The following ATP6V0A2 variants were observed in gnomAD, a reference collection of about 807,000 sequenced individuals.
ATP6V0A2 encodes V-type proton ATPase 116 kDa subunit a 2.
In ATP6V0A2, 58 loss-of-function variants were observed where a neutral mutation model predicts 104.4. That is an observed-to-expected ratio of 0.56 (90% confidence interval 0.45 to 0.69). The LOEUF is 0.69. Among genes scored for constraint, ATP6V0A2 ranks in the 30% least tolerant of loss-of-function variants. The probability of loss-of-function intolerance (pLI) is 0.00; values close to 1 mark genes in which losing one functional copy is unlikely to be tolerated. For missense variants in ATP6V0A2, 938 were observed against 1,062.9 expected, an observed-to-expected ratio of 0.88 and a Z score of 1.63; for synonymous variants, 376 against 397.9, an observed-to-expected ratio of 0.95 and a Z score of 0.65.
chr12:123,727,131 A>C (rs911039236), intron 5 of ATP6V0A2, among the ~76,000 whole-genome samples: 14 of 152,102 alleles, frequency 9.2e-5, no homozygotes, highest in African/African-American at 3.4e-4. Flanking sequence ...TCCCAGCTGG[A>C]GAGGTGAGTC....
chr12:123,758,003 A>G lies in ATP6V0A2; in HGVS notation c.2542A>G (p.Lys848Glu), dbSNP rs769901746. 8.1e-6 allele frequency: 13 copies of G among 1,612,988 alleles called. No homozygotes were observed. Among genetic ancestry groups the G allele is most frequent in the Admixed American group, 3.3e-5 (2 of 59,994 alleles). The change falls in exon 20 of 20, where the codon AAG becomes GAG. Residue 848 changes from lysine to glutamate, a missense_variant. By Grantham distance (56) the Lys-to-Glu change is moderately conservative. Coordinates refer to ENST00000330342, the MANE Select transcript of ATP6V0A2 (RefSeq NM_012463.4). The stretch of plus-strand genomic sequence containing the variant: ...TTTCTCATTCAGTCTACTTTCATCA[A>G]AGTTCAATAACGACGACAGTGTGGC... ...VPFSFSLLSS[K>E]FNNDDSVA
intron 15 of ATP6V0A2, 98 bp downstream of exon 15, chr12:123,748,883 T>C: frequency 4.2e-6 from 5 of 1,195,348 alleles, no homozygotes; most frequent in Non-Finnish European, 6.2e-6. Context: ...CACAGGAGCC[T>C]GGGAAGGCTG....
intron 1 of ATP6V0A2, among the ~76,000 whole-genome samples, chr12:123,716,908 A>G (rs1593882109): frequency 1.3e-5 from 2 of 148,618 alleles, no homozygotes; most frequent in Non-Finnish European, 3.0e-5. Flanking sequence ...TCCTACCCCC[A>G]CCCCCCCAGC....
chr12:123,718,748 A>G, intron 2 of ATP6V0A2, 47 bp downstream of exon 2: 4 of 1,351,016 alleles, frequency 3.0e-6, no homozygotes, highest in Non-Finnish European at 4.2e-6. Context: ...ACCTTTATAT[A>G]GGCAAACCTT....
rs2135881278 is a variant in ATP6V0A2 at position 123,719,748 on chromosome 12, C to A, written c.196+1047C>A. On this transcript the variant is annotated intron_variant, in intron 2 of 19. Coordinates refer to ENST00000330342, the MANE Select transcript of ATP6V0A2 (RefSeq NM_012463.4). Reference sequence around the variant, plus strand: ...CCTTATCTAGGTGCCCCAGTGAAGCCAGCAAACTTCACTTATCAGGCCTTC... The same window carrying A: ...CCTTATCTAGGTGCCCCAGTGAAGCAAGCAAACTTCACTTATCAGGCCTTC... 1.3e-5 allele frequency among the ~76,000 whole-genome samples: 2 copies of A among 152,162 alleles called. 1 individual carries two copies.
At chr12:123,747,506 A>T in intron 13 of ATP6V0A2, 101 bp from the exon 14 acceptor site, 1 of 821,766 alleles carries the variant, frequency 1.2e-6, no homozygotes, top group Non-Finnish European at 2.2e-6. Flanking sequence ...TTTCCTTCTT[A>T]AACTTAGAGC....
intron 19 of ATP6V0A2, 56 bp from the exon 20 acceptor site, chr12:123,757,871 T>C: frequency 9.1e-7 from 1 of 1,102,284 alleles, no homozygotes; most frequent in Admixed American, 2.2e-5. Context: ...TAAATGTTGT[T>C]TTAAGGAATG....
chr12:123,741,503 G>A (rs902414942), intron 9 of ATP6V0A2, among the ~76,000 whole-genome samples: 2 of 152,112 alleles, frequency 1.3e-5, no homozygotes, highest in South Asian at 2.1e-4. Context: ...GGTAATGGTC[G>A]TAGCTCACTG....
At chr12:123,733,293 C>A (rs7398384) in intron 6 of ATP6V0A2, 85,384 of 147,712 alleles carry the variant, frequency 0.58, 25,451 homozygotes, top group East Asian at 0.94. Context: ...GGCCTGGGCA[C>A]CAAGAGAGAG....
At position 123,726,285 on chromosome 12, in the gene ATP6V0A2, G is replaced by C. The variant is rs147005791; in HGVS notation, c.521G>C (p.Gly174Ala). 6.2e-7 allele frequency: 1 copy of C among 1,612,706 alleles called. No individual in the cohort carries two copies. The highest frequency in any genetic ancestry group is 8.5e-7 in the Non-Finnish European group (1 of 1,178,698). ...SCMQRLGAKLGFVSGLINQGK... is the reference protein window; with the variant it reads ...SCMQRLGAKLAFVSGLINQGK... Reference sequence around the variant, plus strand: ...ATGCAGAGGCTGGGAGCAAAACTGGGGTAGGTGACAAGGCCTGGGGTGTCA... The same window carrying C: ...ATGCAGAGGCTGGGAGCAAAACTGGCGTAGGTGACAAGGCCTGGGGTGTCA... Residue 174 changes from glycine (G) to alanine (A), a missense_variant and splice_region_variant, in exon 5 of 20, where the codon GGA becomes GCA. Physicochemically the swap from Gly to Ala is moderately conservative, Grantham distance 60. Coordinates refer to ENST00000330342, the MANE Select transcript of ATP6V0A2 (RefSeq NM_012463.4).
chr12:123,745,655 G>C (rs892790057), intron 13 of ATP6V0A2, among the ~76,000 whole-genome samples: 1 of 151,580 alleles, frequency 6.6e-6, no homozygotes, highest in African/African-American at 2.4e-5. Context: ...GCAGTGAGCC[G>C]AGATGGTGCC....
In ATP6V0A2 at chr12:123,718,756, C is replaced by G. The variant is rs149587444; in HGVS notation, c.196+55C>G. ...AATAATTACCTTTATATAGGCAAAC[C>G]TTGTTCGGTTTAAAAATATTGGAAA... is the stretch of plus-strand genomic sequence containing the variant. On this transcript the variant is annotated intron_variant, in intron 2 of 19. Transcript: ENST00000330342. 220 of 1,284,412 alleles carry G rather than the reference C, an allele frequency of 1.7e-4. No homozygotes were observed. The African/African-American group carries it at 2.4e-3, about 14-fold the overall frequency. 79.6% of individuals were successfully genotyped at this position (1,284,412 alleles called of 1,614,324 possible). A position where few individuals can be genotyped will look rare whatever the true frequency, so the allele number is the denominator to read the frequency against.
intron 5 of ATP6V0A2, among the ~76,000 whole-genome samples, chr12:123,727,398 C>T (rs1364601143): frequency 6.6e-6 from 1 of 151,954 alleles, no homozygotes; most frequent in Non-Finnish European, 1.5e-5. Context: ...CCTGCCTCAG[C>T]CTCCCGAGTA....
chr12:123,733,530 G>T, intron 6 of ATP6V0A2: 1 of 262,680 alleles, frequency 3.8e-6, no homozygotes, highest in Non-Finnish European at 7.4e-6. Flanking sequence ...CTGCACCTCA[G>T]CCCTACACTC....
chr12:123,751,180 T>G lies in ATP6V0A2; in HGVS notation c.2006T>G (p.Leu669Arg). ...SVPVLFLGKPLFLLWLHNGRS... is the reference protein window; with the variant it reads ...SVPVLFLGKPRFLLWLHNGRS... ...CCTGTCCTCTTCTTGGGAAAGCCAC[T>G]GTTTTTGTTGTGGCTTCACAATGGG... Residue 669 changes from leucine (L) to arginine (R), a missense_variant, in exon 16 of 20, where the codon CTG becomes CGG. Physicochemically the swap from Leu to Arg is moderately radical, Grantham distance 102 (BLOSUM62 -2). Coordinates refer to ENST00000330342, the MANE Select transcript of ATP6V0A2 (RefSeq NM_012463.4). 2 of 1,614,218 alleles carry G rather than the reference T, an allele frequency of 1.2e-6. No individual in the cohort carries two copies. The highest frequency in any genetic ancestry group is 1.7e-6 in the Non-Finnish European group (2 of 1,180,040).
chr12:123,722,314 AT>A (rs1333616019), intron 2 of ATP6V0A2, 36 bp from the exon 3 acceptor site: 1 of 1,233,508 alleles, frequency 8.1e-7, no homozygotes, highest in Non-Finnish European at 1.2e-6. Flanking sequence ...ATTATAGTAC[AT>A]TTTAGTATCT....
chr12:123,733,209 A>T (rs1349157046), intron 6 of ATP6V0A2: 1 of 151,346 alleles, frequency 6.6e-6, no homozygotes, highest in Non-Finnish European at 1.5e-5. Context: ...ACTACTCGGG[A>T]GGCGGAGGCA....
At chr12:123,754,867 C>G in intron 18 of ATP6V0A2, 1 of 361,788 alleles carries the variant, frequency 2.8e-6, no homozygotes, top group Non-Finnish European at 5.1e-6. Flanking sequence ...GCTACTGTTG[C>G]CATTACTGTT....
chr12:123,717,340 A>G (rs1412211641), intron 1 of ATP6V0A2, among the ~76,000 whole-genome samples: 3 of 148,952 alleles, frequency 2.0e-5, no homozygotes, highest in Admixed American at 6.7e-5. Context: ...AAAAAAAGAG[A>G]AAGTCATCCC....
Sources: gnomAD v4.1 joint callset for allele counts (sites outside exome capture counted in the v4.1 genomes callset) on GRCh38, gnomAD v4.1.1 for gene constraint, MANE v1.5 for transcripts, NCBI Gene and HGNC (gene_info 2026-07-23, HGNC 2026-07-21) for gene names.